PDE1C: variants seen among roughly 807,000 people sequenced by gnomAD.
The protein encoded by PDE1C is phosphodiesterase 1C, also known as dual specificity calcium/calmodulin-dependent 3',5'-cyclic nucleotide phosphodiesterase 1C.
PDE1C carries 62 observed loss-of-function variants against 93.1 expected under a neutral mutation model. That is an observed-to-expected ratio of 0.67 (90% CI 0.54 to 0.82). The LOEUF (loss-of-function observed/expected upper bound fraction) is 0.82. Among genes scored for constraint, PDE1C ranks in the 40% least tolerant of loss-of-function variants. The pLI is 0.00. For missense variants in PDE1C, 742 were observed against 884.6 expected (o/e 0.84, Z 2.04); for synonymous variants, 325 against 310.1 (o/e 1.05, Z -0.50).
chr7:31,999,714 G>A (rs1563168454), intron 2 of PDE1C, among the ~76,000 whole-genome samples: 1 of 152,272 alleles, frequency 6.6e-6, no homozygotes, highest in East Asian at 1.9e-4. Flanking sequence ...CACACCACAT[G>A]TTTTTACACT....
At chr7:31,670,452 C>A in the PDE1C span, among the ~76,000 whole-genome samples, 1 of 152,168 alleles carries the variant, frequency 6.6e-6, no homozygotes, top group African/African-American at 2.4e-5. Context: ...TGTCTCAGTG[C>A]GATTTTCTTC....
At chr7:31,937,828 G>A (rs1805301729) in intron 2 of PDE1C, among the ~76,000 whole-genome samples, 1 of 152,062 alleles carries the variant, frequency 6.6e-6, no homozygotes, top group African/African-American at 2.4e-5. Flanking sequence ...TATGCTGAAG[G>A]AGCCATAAAC....
intron 1 of PDE1C, among the ~76,000 whole-genome samples, chr7:32,400,345 GTCT>G (rs1285233421): frequency 6.6e-6 from 1 of 152,100 alleles, no homozygotes; most frequent in African/African-American, 2.4e-5. Flanking sequence ...TGACAAATCA[GTCT>G]TCTTCTCTAA....
At chr7:32,116,754 C>T (rs1415868053) in intron 3 of PDE1C, among the ~76,000 whole-genome samples, 1 of 152,130 alleles carries the variant, frequency 6.6e-6, no homozygotes, top group African/African-American at 2.4e-5. Flanking sequence ...CTTGTCAGTC[C>T]ACATTCCCTA....
chr7:32,281,260 T>C (rs1811611530), intron 1 of PDE1C, among the ~76,000 whole-genome samples: 1 of 152,196 alleles, frequency 6.6e-6, no homozygotes. Flanking sequence ...ACATGAATTA[T>C]AAATGAATAA....
intron 7 of PDE1C, among the ~76,000 whole-genome samples, chr7:31,855,345 G>A (rs973556481): frequency 3.9e-5 from 6 of 152,022 alleles, no homozygotes; most frequent in African/African-American, 1.4e-4. Flanking sequence ...TCAAACCTCT[G>A]ACTTTGGCCA....
chr7:32,298,547 C>A, intron 1 of PDE1C: 1 of 1,391,980 alleles, frequency 7.2e-7, no homozygotes, highest in African/African-American at 1.5e-5. Flanking sequence ...CCGGCCCCAG[C>A]CCGACCCCTG....
chr7:32,237,213 A>G (rs1031598636), intron 1 of PDE1C, among the ~76,000 whole-genome samples: 5 of 151,068 alleles, frequency 3.3e-5, no homozygotes, highest in African/African-American at 4.9e-5. Context: ...CAGCCTCCTG[A>G]GTATCCGGGA....
intron 1 of PDE1C, among the ~76,000 whole-genome samples, chr7:32,227,524 A>G (rs1385241202): frequency 6.6e-6 from 1 of 152,164 alleles, no homozygotes; most frequent in Non-Finnish European, 1.5e-5. Context: ...ACACATGGCT[A>G]GAACATGGCA....
intron 2 of PDE1C, among the ~76,000 whole-genome samples, chr7:32,006,067 T>C (rs1786209068): frequency 6.6e-6 from 1 of 152,202 alleles, no homozygotes; most frequent in African/African-American, 2.4e-5. Context: ...CAATAATAAG[T>C]CTATTGTTCC....
intron 1 of PDE1C, among the ~76,000 whole-genome samples, chr7:32,268,432 T>C (rs1810756313): frequency 1.3e-5 from 2 of 152,182 alleles, no homozygotes. Flanking sequence ...GGATTGAATA[T>C]ATATAAAGCA....
intron 17 of PDE1C, among the ~76,000 whole-genome samples, chr7:31,755,423 A>G (rs1013415159): frequency 6.6e-6 from 1 of 152,192 alleles, no homozygotes; most frequent in African/African-American, 2.4e-5. Context: ...AGCAATAAGC[A>G]CATCTACTGC....
Position 31,880,855 on chromosome 7 carries a change from C to A in PDE1C, c.134G>T (p.Arg45Leu). ...TCTCTCTAATTGTTTGACCAAAGAC[C>A]GTAATCTAGAAAAATAAAAAGACAT... ...RKYKKTSQRL[R>L]SLVKQLERGE... Residue 45 changes from arginine (R) to leucine (L), a missense_variant, in exon 3 of 18, where the codon CGG becomes CTG. Physicochemically the swap from Arg to Leu is moderately radical, Grantham distance 102. Around this residue, in one of 4 missense-constraint regions of PDE1C, gnomAD observed 74 missense variants for 88.2 expected, o/e 0.84. Transcript: ENST00000396191. The A allele has an allele frequency of 6.3e-7, 1 of 1,580,378 alleles. No individual in the cohort carries two copies. The highest frequency in any genetic ancestry group is 8.7e-7 in the Non-Finnish European group (1 of 1,150,804).
chr7:32,007,516 T>C (rs1376720782), intron 2 of PDE1C, among the ~76,000 whole-genome samples: 2 of 152,218 alleles, frequency 1.3e-5, no homozygotes, highest in Admixed American at 1.3e-4. Flanking sequence ...TTTTTTAAAA[T>C]ATCATGGAGG....
intron 2 of PDE1C, among the ~76,000 whole-genome samples, chr7:31,958,518 T>C (rs2129027513): frequency 6.6e-6 from 1 of 152,320 alleles, no homozygotes; most frequent in South Asian, 2.1e-4. Flanking sequence ...GATTTATCTG[T>C]CTTGTAATTT....
At chr7:32,207,241 C>T (rs1197544137) in intron 2 of PDE1C, among the ~76,000 whole-genome samples, 1 of 152,074 alleles carries the variant, frequency 6.6e-6, no homozygotes, top group African/African-American at 2.4e-5. Context: ...CTCTGGCCAC[C>T]CGCCCCCGCC....
At chr7:32,312,689 C>G (rs1429184024) in intron 1 of PDE1C, among the ~76,000 whole-genome samples, 2 of 152,188 alleles carry the variant, frequency 1.3e-5, no homozygotes, top group Non-Finnish European at 2.9e-5. Flanking sequence ...GCTGGGAAAA[C>G]TGGCTAGCCA....
At chr7:31,756,361 T>G (rs527622018) in intron 17 of PDE1C, among the ~76,000 whole-genome samples, 1 of 152,086 alleles carries the variant, frequency 6.6e-6, no homozygotes, top group African/African-American at 2.4e-5. Context: ...ATGAAGAATA[T>G]CAAATAAATT....
intron 2 of PDE1C, among the ~76,000 whole-genome samples, chr7:31,890,643 T>C (rs987858363): frequency 1.3e-5 from 2 of 152,208 alleles, no homozygotes; most frequent in African/African-American, 2.4e-5. Context: ...ACTACAAATA[T>C]AAGTTTTGGT....
Sources: allele counts gnomAD v4.1 joint callset (sites outside exome capture counted in the v4.1 genomes callset), GRCh38; gene constraint gnomAD v4.1.1; regional missense constraint gnomAD v4.1.1; transcripts MANE v1.5; gene names NCBI Gene and HGNC (gene_info 2026-07-23, HGNC 2026-07-21).